CNTN5: variants seen among roughly 807,000 people sequenced by gnomAD.
CNTN5 encodes contactin-5.
In CNTN5, 77 loss-of-function variants were observed where a neutral mutation model predicts 129.1. The observed-to-expected ratio is 0.60, with a 90% CI of 0.50 to 0.72. The LOEUF (loss-of-function observed/expected upper bound fraction) is 0.72. Among genes scored for constraint, CNTN5 ranks in the 30% least tolerant of loss-of-function variants. CNTN5 has a pLI of 0.00. For missense variants in CNTN5, 1,478 were observed against 1,328.8 expected (o/e 1.11, Z -1.75); for synonymous variants, 509 against 465.6 (o/e 1.09, Z -1.20).
At chr11:99,597,026 A>T (rs1026162139) in intron 3 of CNTN5, among the ~76,000 whole-genome samples, 1 of 152,152 alleles carries the variant, frequency 6.6e-6, no homozygotes, top group African/African-American at 2.4e-5. Context: ...TTCTTTATAC[A>T]TCTAATTTTT....
chr11:100,198,187 G>T (rs1948694751), intron 15 of CNTN5, among the ~76,000 whole-genome samples: 1 of 151,906 alleles, frequency 6.6e-6, no homozygotes, highest in South Asian at 2.1e-4. Context: ...TTTGAATCCA[G>T]TCTTCAGTAA....
chr11:99,117,143 G>C (rs1236749492), intron 1 of CNTN5, among the ~76,000 whole-genome samples: 1 of 152,192 alleles, frequency 6.6e-6, no homozygotes, highest in Admixed American at 6.5e-5. Context: ...TTATTTTTGA[G>C]AGTTTGAGTA....
chr11:100,233,659 C>G lies in CNTN5; in HGVS notation c.2005+8847C>G, dbSNP rs536371223. On this transcript the variant is annotated intron_variant, in intron 16 of 24. Coordinates refer to ENST00000524871, the MANE Select transcript of CNTN5 (RefSeq NM_014361.4). The stretch of plus-strand genomic sequence containing the variant: ...GATGGCCCATATCTTGCCATGCATC[C>G]AAAATAGTAAATTCTACTGACTACT... Among the ~76,000 whole-genome samples, 96 of 152,108 alleles carry G rather than the reference C, an allele frequency of 6.3e-4. 1 individual carries two copies. The highest frequency in any genetic ancestry group is 1.6e-3 in the African/African-American group (68 of 41,486).
intron 9 of CNTN5, among the ~76,000 whole-genome samples, chr11:100,014,299 G>A (rs574552138): frequency 6.6e-6 from 1 of 152,014 alleles, no homozygotes; most frequent in Admixed American, 6.6e-5. Context: ...CATCATTATC[G>A]ACCTCTGCCA....
At chr11:99,933,559 T>A (rs1369526952) in intron 7 of CNTN5, among the ~76,000 whole-genome samples, 1 of 152,176 alleles carries the variant, frequency 6.6e-6, no homozygotes, top group Non-Finnish European at 1.5e-5. Flanking sequence ...TCCCTATATT[T>A]TGTTTTGTCC....
In CNTN5 at chr11:99,658,723, A is replaced by G. The variant is rs926355278; in HGVS notation, c.55+102454A>G. ...TCTGTCTCTACTAAAAAAAAAATATATATATATATATAAAATTAGCCAGGC... is the reference window on the plus strand; with the variant it reads ...TCTGTCTCTACTAAAAAAAAAATATGTATATATATATAAAATTAGCCAGGC... On this transcript the variant is annotated intron_variant, in intron 3 of 24. Coordinates refer to ENST00000524871, the MANE Select transcript of CNTN5 (RefSeq NM_014361.4). Among the ~76,000 whole-genome samples, 335 of 145,476 alleles carry G rather than the reference A, an allele frequency of 2.3e-3. 2 individuals are homozygous for G. Among genetic ancestry groups the G allele is most frequent in the African/African-American group, 7.5e-3 (305 of 40,434 alleles).
intron 2 of CNTN5, among the ~76,000 whole-genome samples, chr11:99,399,872 G>A (rs1941708679): frequency 6.7e-6 from 1 of 149,916 alleles, no homozygotes; most frequent in Non-Finnish European, 1.5e-5. Context: ...TAATTTTTGT[G>A]GGTACATAGA....
intron 2 of CNTN5, among the ~76,000 whole-genome samples, chr11:99,452,710 T>C (rs1944353771): frequency 6.6e-6 from 1 of 152,090 alleles, no homozygotes; most frequent in African/African-American, 2.4e-5. Flanking sequence ...AGAATGTCCT[T>C]AAGTATTGTG....
intron 3 of CNTN5, among the ~76,000 whole-genome samples, chr11:99,646,554 G>A (rs1478454093): frequency 6.6e-6 from 1 of 152,088 alleles, no homozygotes; most frequent in Admixed American, 6.6e-5. Context: ...CACACGTTTG[G>A]CTGACTGGTC....
intron 1 of CNTN5, among the ~76,000 whole-genome samples, chr11:99,204,712 C>T (rs1859388154): frequency 6.6e-6 from 1 of 152,120 alleles, no homozygotes; most frequent in African/African-American, 2.4e-5. Flanking sequence ...AAATGTGCTG[C>T]TCAATCCCCT....
At chr11:99,169,727 A>G (rs1465991783) in intron 1 of CNTN5, among the ~76,000 whole-genome samples, 1 of 152,202 alleles carries the variant, frequency 6.6e-6, no homozygotes, top group East Asian at 1.9e-4. Context: ...GCAAATGATT[A>G]AACTCATAGT....
At chr11:99,685,603 A>C (rs1184695359) in intron 3 of CNTN5, among the ~76,000 whole-genome samples, 1 of 151,386 alleles carries the variant, frequency 6.6e-6, no homozygotes, top group Non-Finnish European at 1.5e-5. Flanking sequence ...AGGTCTCTCT[A>C]TTTCTGGTAA....
At chr11:99,424,148 T>C (rs1591031354) in intron 2 of CNTN5, among the ~76,000 whole-genome samples, 2 of 152,166 alleles carry the variant, frequency 1.3e-5, no homozygotes, top group African/African-American at 4.8e-5. Flanking sequence ...AACCTAATAA[T>C]AAAATAGAAC....
At chr11:99,144,600 T>C (rs1409432816) in intron 1 of CNTN5, among the ~76,000 whole-genome samples, 4 of 152,206 alleles carry the variant, frequency 2.6e-5, no homozygotes, top group East Asian at 1.9e-4. Flanking sequence ...ATATGTCACA[T>C]AGGCTTTCTT....
At chr11:99,176,714 A>G (rs1857791834) in intron 1 of CNTN5, among the ~76,000 whole-genome samples, 1 of 152,306 alleles carries the variant, frequency 6.6e-6, no homozygotes, top group Non-Finnish European at 1.5e-5. Flanking sequence ...CTCCACCACT[A>G]CAACCCTTGG....
chr11:100,025,267 G>A (rs1052111484), intron 9 of CNTN5, among the ~76,000 whole-genome samples: 5 of 152,230 alleles, frequency 3.3e-5, no homozygotes, highest in Non-Finnish European at 5.9e-5. Context: ...CTTACACATG[G>A]TTTTGGGCCT....
chr11:99,119,562 TG>T (rs1858206753), intron 1 of CNTN5, among the ~76,000 whole-genome samples: 1 of 152,190 alleles, frequency 6.6e-6, no homozygotes, highest in South Asian at 2.1e-4. Context: ...TTTGATTCCA[TG>T]TCTTTGCTAT....
intron 13 of CNTN5, among the ~76,000 whole-genome samples, chr11:100,165,496 CAT>C (rs773466512): frequency 7.9e-4 from 120 of 151,838 alleles, no homozygotes; most frequent in Middle Eastern, 3.4e-3. Context: ...TAAATAATGA[CAT>C]ATAGGAAAAT....
chr11:99,215,201 G>T (rs1860054997), intron 1 of CNTN5, among the ~76,000 whole-genome samples: 1 of 151,976 alleles, frequency 6.6e-6, no homozygotes, highest in African/African-American at 2.4e-5. Context: ...ACATTCCTGT[G>T]ATTATGTCTC....
Sources: allele counts gnomAD v4.1 joint callset (sites outside exome capture counted in the v4.1 genomes callset), GRCh38; gene constraint gnomAD v4.1.1; transcripts MANE v1.5; gene names NCBI Gene and HGNC (gene_info 2026-07-23, HGNC 2026-07-21).